SLC25A24: variants seen among roughly 807,000 people sequenced by gnomAD.
The protein encoded by SLC25A24 is solute carrier family 25 member 24, also known as mitochondrial adenyl nucleotide antiporter SLC25A24.
A neutral mutation model predicts 60.7 loss-of-function variants in SLC25A24; 49 were observed. That is an observed-to-expected ratio of 0.81 (90% CI 0.64 to 1.02). SLC25A24 has a LOEUF of 1.02. Among genes scored for constraint, SLC25A24 ranks in the 50% least tolerant of loss-of-function variants. SLC25A24 has a pLI of 0.00. For missense variants in SLC25A24, 564 were observed against 586.3 expected (o/e 0.96, Z 0.39); for synonymous variants, 202 against 200.6 (o/e 1.01, Z -0.06).
intron 3 of SLC25A24, among the ~76,000 whole-genome samples, chr1:108,179,215 C>T (rs564846307): frequency 1.7e-4 from 26 of 150,758 alleles, no homozygotes; most frequent in African/African-American, 6.1e-4. Flanking sequence ...CTTAGAATGA[C>T]TATTACCAAA....
Position 108,181,977 on chromosome 1 carries a change from G to A in SLC25A24, c.362C>T (p.Thr121Ile). 2 of 1,612,870 alleles carry A rather than the reference G, an allele frequency of 1.2e-6. No homozygotes were observed. The highest frequency in any genetic ancestry group is 1.7e-6 in the Non-Finnish European group (2 of 1,179,244). Residue 121 changes from threonine to isoleucine, a missense_variant, in exon 3 of 10, where the codon ACT (threonine) becomes ATT (isoleucine). Coordinates refer to ENST00000565488, the MANE Select transcript of SLC25A24 (RefSeq NM_013386.5). The part of the protein sequence containing the change: ...IVQSLQTLGL[T>I]ISEQQAELIL... Reference sequence around the variant, plus strand: ...CAACTCTGCTTGTTGTTCAGAAATAGTCAGACCCAGTGTCTGGAGAGACTG... The same window carrying A: ...CAACTCTGCTTGTTGTTCAGAAATAATCAGACCCAGTGTCTGGAGAGACTG...
intron 3 of SLC25A24, among the ~76,000 whole-genome samples, chr1:108,167,011 A>T (rs1041024352): frequency 1.3e-5 from 2 of 151,666 alleles, no homozygotes; most frequent in Non-Finnish European, 2.9e-5. Flanking sequence ...CTTCTAACAG[A>T]CAGGACCCTC....
In SLC25A24 at chr1:108,185,856, T is replaced by C. The variant is rs1321983137; in HGVS notation, c.282A>G (p.Ala94=). The change falls in exon 2 of 10, where the codon GCA becomes GCG. Residue 94 remains alanine, a synonymous_variant. Transcript: ENST00000565488. ...LKDHEKKMKL[A]FKSLDKNNDG... is the part of the protein sequence containing the mutation. ...CATTATTTTTGTCTAAACTCTTAAATGCCAATTTCATTTTCTTCTCATGGT... is the reference window on the plus strand; with the variant it reads ...CATTATTTTTGTCTAAACTCTTAAACGCCAATTTCATTTTCTTCTCATGGT... The C allele has an allele frequency of 6.3e-7, 1 of 1,590,794 alleles. No homozygotes were observed. Among genetic ancestry groups the C allele is most frequent in the South Asian group, 1.1e-5 (1 of 87,694 alleles).
At chr1:108,170,374 G>C (rs1298937368) in intron 3 of SLC25A24, among the ~76,000 whole-genome samples, 2 of 151,968 alleles carry the variant, frequency 1.3e-5, no homozygotes, top group Admixed American at 1.3e-4. Flanking sequence ...CTGGCTTTAT[G>C]GCCTACTATG....
At chr1:108,196,164 T>C (rs903699623) in intron 1 of SLC25A24, among the ~76,000 whole-genome samples, 2 of 152,094 alleles carry the variant, frequency 1.3e-5, no homozygotes, top group Non-Finnish European at 2.9e-5. Context: ...TGATTGTAAA[T>C]GTAAAAACTT....
Position 108,157,568 on chromosome 1 carries a change from T to TC in SLC25A24, c.562dup (p.Glu188GlyfsTer77). On this transcript the variant is annotated frameshift_variant, in exon 5 of 10. Coordinates refer to ENST00000565488, the MANE Select transcript of SLC25A24 (RefSeq NM_013386.5). LOFTEE classifies it high-confidence loss of function. ...CCTCCACCATTGTCCGGATTTTTTT[T>TC]CGTCTTCCGTGAATTCATCTGGAAT... The TC allele has an allele frequency of 6.2e-7, 1 of 1,614,160 alleles. No individual in the cohort carries two copies. Among genetic ancestry groups the TC allele is most frequent in the Non-Finnish European group, 8.5e-7 (1 of 1,180,034 alleles).
chr1:108,147,553 TA>T (rs1407237511), intron 7 of SLC25A24, among the ~76,000 whole-genome samples: 1 of 152,216 alleles, frequency 6.6e-6, no homozygotes, highest in African/African-American at 2.4e-5. Context: ...GCCCACTTTT[TA>T]AAAATGTAAA....
intron 3 of SLC25A24, among the ~76,000 whole-genome samples, chr1:108,172,632 C>T (rs984428771): frequency 2.0e-5 from 3 of 152,154 alleles, no homozygotes; most frequent in Non-Finnish European, 4.4e-5. Flanking sequence ...TCCCTACTTC[C>T]AACACTGGAG....
intron 1 of SLC25A24, chr1:108,192,395 G>T: frequency 1.2e-6 from 1 of 839,624 alleles, no homozygotes; most frequent in Non-Finnish European, 1.8e-6. Context: ...AGTGGGCCCA[G>T]GTCAAGCTTG....
chr1:108,164,622 T>A (rs575702293), intron 3 of SLC25A24, among the ~76,000 whole-genome samples: 2,460 of 149,714 alleles, frequency 0.016, 20 homozygotes, highest in Middle Eastern at 0.054. Context: ...TGTATTTCTG[T>A]GGGATTGGTG....
intron 9 of SLC25A24, 115 bp downstream of exon 9, chr1:108,138,943 G>A: frequency 2.8e-6 from 3 of 1,074,682 alleles, no homozygotes; most frequent in South Asian, 2.5e-5. Context: ...ATGAAAAAAA[G>A]GTTGAGAAAT....
rs1449378554 is a variant in SLC25A24, at chr1:108,200,105, TG to T, written c.33del (p.Thr12ProfsTer70). 2 of 1,569,178 alleles carry T rather than the reference TG, an allele frequency of 1.3e-6. No individual in the cohort carries two copies. The highest frequency in any genetic ancestry group is 2.3e-5 in the East Asian group (1 of 42,814). On this transcript the variant is annotated frameshift_variant, in exon 1 of 10. Transcript: ENST00000565488. LOFTEE classifies it high-confidence loss of function. ...TGCTCCGCGTCCTGGCAGGCCGCGG[TG>T]GGCAGCACGAAGTCCCGCAGCCAGC... MLRWLRDFVL[P>X]TAACQDAEQP...
intron 6 of SLC25A24, among the ~76,000 whole-genome samples, chr1:108,152,220 T>A (rs577166594): frequency 6.6e-6 from 1 of 152,244 alleles, no homozygotes; most frequent in South Asian, 2.1e-4. Context: ...AGCTCTTTCA[T>A]CATTATCTTT....
chr1:108,155,688 G>C (rs1434059455), intron 5 of SLC25A24, among the ~76,000 whole-genome samples: 1 of 151,992 alleles, frequency 6.6e-6, no homozygotes, highest in African/African-American at 2.4e-5. Context: ...CATACAGCCT[G>C]AAACCAAAAA....
intron 1 of SLC25A24, among the ~76,000 whole-genome samples, chr1:108,187,927 G>GATATATATATATATATATAGATATAT (rs57513025): frequency 1.0e-5 from 1 of 95,748 alleles, no homozygotes; most frequent in African/African-American, 4.2e-5. Flanking sequence ...AGACATTATA[G>GATATATATATATATATATAGATATAT]ATATATATAT....
At chr1:108,159,810 G>A (rs1292547227) in intron 4 of SLC25A24, among the ~76,000 whole-genome samples, 1 of 151,450 alleles carries the variant, frequency 6.6e-6, no homozygotes, top group East Asian at 1.9e-4. Context: ...AGGATCCCAA[G>A]GCAGAAGAAT....
At chr1:108,140,028 T>TA (rs1679402629) in intron 8 of SLC25A24, among the ~76,000 whole-genome samples, 1 of 152,116 alleles carries the variant, frequency 6.6e-6, no homozygotes, top group African/African-American at 2.4e-5. Context: ...AGAAACTGTA[T>TA]AAAATATATA....
chr1:108,152,881 A>C (rs1679792996), intron 6 of SLC25A24, among the ~76,000 whole-genome samples: 1 of 152,250 alleles, frequency 6.6e-6, no homozygotes, highest in Non-Finnish European at 1.5e-5. Context: ...AAGGCTTCCC[A>C]GAGGAACTAA....
At chr1:108,152,924 C>CAT (rs1468927630) in intron 6 of SLC25A24, among the ~76,000 whole-genome samples, 1 of 152,142 alleles carries the variant, frequency 6.6e-6, no homozygotes, top group Non-Finnish European at 1.5e-5. Context: ...CATTTCCCAC[C>CAT]ATATGACATA....
Sources: allele counts gnomAD v4.1 joint callset (sites outside exome capture counted in the v4.1 genomes callset), GRCh38; gene constraint gnomAD v4.1.1; transcripts MANE v1.5; gene names NCBI Gene and HGNC (gene_info 2026-07-23, HGNC 2026-07-21).